TCF12: variants seen among roughly 807,000 people sequenced by gnomAD.
The protein encoded by TCF12 is DNA-binding protein HTF4.
Under a neutral mutation model 86.0 loss-of-function variants are expected in TCF12, and 45 were observed. The ratio of observed to expected loss-of-function variants is 0.52; its 90% CI spans 0.41 to 0.67. The LOEUF is 0.67. TCF12 is among the 30% of genes least tolerant of loss of function. The pLI is 0.00. For missense variants in TCF12, 881 were observed against 859.9 expected (o/e 1.02, Z -0.31); for synonymous variants, 330 against 299.6 (o/e 1.10, Z -1.05).
intron 3 of TCF12, among the ~76,000 whole-genome samples, chr15:56,942,862 C>T (rs2060839377): frequency 6.6e-6 from 1 of 152,112 alleles, no homozygotes; most frequent in Non-Finnish European, 1.5e-5. Flanking sequence ...TGCTTTATAT[C>T]TATTTGCAGT....
intron 8 of TCF12, among the ~76,000 whole-genome samples, chr15:57,223,643 G>GTTTTTTTTTTTTTTTGTTTTTTT (rs2058710921): frequency 1.4e-5 from 1 of 69,666 alleles, no homozygotes; most frequent in African/African-American, 4.9e-5. Flanking sequence ...TACCAATGAG[G>GTTTTTTTTTTTTTTTGTTTTTTT]TTTTTTTTTT....
chr15:57,095,279 G>C (rs2049248553), intron 5 of TCF12, among the ~76,000 whole-genome samples: 1 of 152,160 alleles, frequency 6.6e-6, no homozygotes, highest in African/African-American at 2.4e-5. Flanking sequence ...AAGTAGCCTT[G>C]TCTGTCTCAA....
At chr15:57,198,450 G>A (rs2057377685) in intron 8 of TCF12, among the ~76,000 whole-genome samples, 1 of 152,234 alleles carries the variant, frequency 6.6e-6, no homozygotes, top group South Asian at 2.1e-4. Context: ...TGAGAATAAA[G>A]GGCTTTGATG....
At chr15:57,138,603 A>G (rs2052731699) in intron 5 of TCF12, among the ~76,000 whole-genome samples, 1 of 152,214 alleles carries the variant, frequency 6.6e-6, no homozygotes, top group African/African-American at 2.4e-5. Context: ...TTTATAAACC[A>G]TTCTAACAGC....
intron 3 of TCF12, among the ~76,000 whole-genome samples, chr15:57,060,631 T>C (rs1325546510): frequency 6.6e-6 from 1 of 152,216 alleles, no homozygotes; most frequent in Non-Finnish European, 1.5e-5. Flanking sequence ...CGCATGCATA[T>C]ACTAGAAATG....
chr15:57,279,381 A>G lies in TCF12; in HGVS notation c.1979-3064A>G, dbSNP rs563937549. Among the ~76,000 whole-genome samples the G allele has an allele frequency of 3.9e-5, 6 of 152,348 alleles. No individual in the cohort carries two copies. The South Asian group carries it at 6.2e-4, about 16-fold the overall frequency. ...AAGTCCTCAACTACATAAGAAGTCA[A>G]TAGATAGAATTCCCCTAATTGAAAT... On this transcript the variant is annotated intron_variant, in intron 19 of 20. Coordinates refer to ENST00000333725, the MANE Select transcript of TCF12 (RefSeq NM_207037.2).
chr15:57,137,936 A>G (rs1393960751), intron 5 of TCF12, among the ~76,000 whole-genome samples: 2 of 152,172 alleles, frequency 1.3e-5, no homozygotes, highest in Admixed American at 6.5e-5. Context: ...CTGAGGCAGG[A>G]GAATCATTTG....
chr15:57,216,313 A>T (rs1474544884), intron 8 of TCF12, among the ~76,000 whole-genome samples: 1 of 152,150 alleles, frequency 6.6e-6, no homozygotes, highest in African/African-American at 2.4e-5. Flanking sequence ...ATCTTGCTGT[A>T]AAACTTGGTG....
intron 5 of TCF12, among the ~76,000 whole-genome samples, chr15:57,155,430 T>G (rs1346731250): frequency 6.6e-6 from 1 of 152,160 alleles, no homozygotes; most frequent in Non-Finnish European, 1.5e-5. Flanking sequence ...GGCAGTAAAT[T>G]GCAATACTGG....
chr15:57,079,668 T>C (rs1200003768), intron 4 of TCF12, among the ~76,000 whole-genome samples: 2 of 152,134 alleles, frequency 1.3e-5, no homozygotes, highest in African/African-American at 4.8e-5. Context: ...CTGGCGGTTG[T>C]TCCTCAGCCT....
chr15:57,116,721 T>G (rs1567454894), intron 5 of TCF12, among the ~76,000 whole-genome samples: 1 of 152,208 alleles, frequency 6.6e-6, no homozygotes, highest in Non-Finnish European at 1.5e-5. Flanking sequence ...ATGAGAGCTA[T>G]AAGATCTTAC....
intron 3 of TCF12, among the ~76,000 whole-genome samples, chr15:56,999,125 G>A (rs991229917): frequency 7.3e-5 from 11 of 151,620 alleles, no homozygotes; most frequent in Admixed American, 3.3e-4. Flanking sequence ...GTGAACCCGG[G>A]AAGCGGAGCT....
At chr15:57,087,640 ATTAT>A (rs1446163295) in intron 4 of TCF12, among the ~76,000 whole-genome samples, 3 of 152,086 alleles carry the variant, frequency 2.0e-5, no homozygotes, top group African/African-American at 7.2e-5. Flanking sequence ...CATAGATGGA[ATTAT>A]TTAAGATTTA....
intron 12 of TCF12, among the ~76,000 whole-genome samples, chr15:57,235,412 G>C (rs2085963): frequency 1.2e-3 from 179 of 152,264 alleles, no homozygotes; most frequent in African/African-American, 4.1e-3. Context: ...TCATAAGCTA[G>C]CATGGATAAA....
chr15:56,934,527 T>C (rs1048518195), intron 3 of TCF12, among the ~76,000 whole-genome samples: 1 of 152,162 alleles, frequency 6.6e-6, no homozygotes, highest in East Asian at 1.9e-4. Context: ...CGCTGCTGTT[T>C]CCTGGTTCTT....
chr15:57,259,396 T>C (rs372912493), intron 16 of TCF12, among the ~76,000 whole-genome samples: 1 of 152,334 alleles, frequency 6.6e-6, no homozygotes, highest in Non-Finnish European at 1.5e-5. Context: ...TAGAATACGA[T>C]TCAAAATCAA....
chr15:56,952,410 G>A (rs2061322068), intron 3 of TCF12, among the ~76,000 whole-genome samples: 1 of 145,088 alleles, frequency 6.9e-6, no homozygotes, highest in Non-Finnish European at 1.5e-5. Flanking sequence ...CAGTACTGTT[G>A]TGTCAGTTTC....
In TCF12 at chr15:56,984,085, A is replaced by C. The variant is rs2063040589; in HGVS notation, c.148+62987A>C. On this transcript the variant is annotated intron_variant, in intron 3 of 20. Coordinates refer to ENST00000333725, the MANE Select transcript of TCF12 (RefSeq NM_207037.2). ...TTTAGTGTTTCTTAGGATATGTAGA[A>C]CCTATTCTTGTGAAGAGAGAAAGAT... Among the ~76,000 whole-genome samples, 3 of 150,058 alleles carry C rather than the reference A, an allele frequency of 2.0e-5. No individual in the cohort carries two copies. In the South Asian group the frequency reaches 6.4e-4, roughly 32 times the overall value.
intron 3 of TCF12, among the ~76,000 whole-genome samples, chr15:56,942,919 TAA>T (rs2060842320): frequency 6.6e-6 from 1 of 152,180 alleles, no homozygotes; most frequent in Admixed American, 6.5e-5. Flanking sequence ...GTGTCAAATT[TAA>T]AAAATTTGAA....
Sources: gnomAD v4.1 joint callset for allele counts (sites outside exome capture counted in the v4.1 genomes callset) on GRCh38, gnomAD v4.1.1 for gene constraint, MANE v1.5 for transcripts, NCBI Gene and HGNC (gene_info 2026-07-23, HGNC 2026-07-21) for gene names.